MAOB: variants seen among roughly 807,000 people sequenced by gnomAD.
The protein encoded by MAOB is amine oxidase [flavin-containing] B.
In MAOB, 15 loss-of-function variants were observed where a neutral mutation model predicts 41.9. The observed-to-expected ratio is 0.36, with a 90% CI of 0.24 to 0.55. The LOEUF (loss-of-function observed/expected upper bound fraction) is 0.55. Among genes scored for constraint, MAOB ranks in the 20% least tolerant of loss-of-function variants. The probability of loss-of-function intolerance (pLI) is 0.86; values close to 1 mark genes in which losing one functional copy is unlikely to be tolerated. For missense variants in MAOB, 345 were observed against 398.7 expected (o/e 0.87, Z 1.15); for synonymous variants, 167 against 144.2 (o/e 1.16, Z -1.13).
chrX:43,786,411 C>T (rs1223915998), intron 8 of MAOB, among the ~76,000 whole-genome samples: 2 of 111,587 alleles, frequency 1.8e-5, no homozygotes, highest in African/African-American at 3.3e-5. Context: ...TTAAAGGGAA[C>T]TTGTCTCTTT....
intron 3 of MAOB, among the ~76,000 whole-genome samples, chrX:43,815,522 A>G (rs915749414): frequency 4.5e-5 from 5 of 112,164 alleles, no homozygotes; most frequent in Non-Finnish European, 9.4e-5. Flanking sequence ...AAGAAAGCTG[A>G]AAACTGGAAG....
intron 4 of MAOB, among the ~76,000 whole-genome samples, chrX:43,802,827 C>CA (rs2034613403): frequency 9.1e-6 from 1 of 110,010 alleles, no homozygotes; most frequent in Non-Finnish European, 1.9e-5. Flanking sequence ...ATACCTAATG[C>CA]ATGTGGGGCT....
At chrX:43,875,468 T>C (rs764403357) in intron 1 of MAOB, among the ~76,000 whole-genome samples, 1 of 112,126 alleles carries the variant, frequency 8.9e-6, no homozygotes, top group South Asian at 3.7e-4. Context: ...TTTTATACCA[T>C]TATGGCCTCC....
intron 1 of MAOB, among the ~76,000 whole-genome samples, chrX:43,865,330 A>G (rs1288299937): frequency 1.8e-5 from 2 of 112,425 alleles, no homozygotes; most frequent in Non-Finnish European, 3.8e-5. Context: ...TTCTATTTGT[A>G]TAAAATGTTC....
At chrX:43,813,858 A>T (rs187219170) in intron 3 of MAOB, among the ~76,000 whole-genome samples, 231 of 111,955 alleles carry the variant, frequency 2.1e-3, no homozygotes, top group South Asian at 6.8e-3. Flanking sequence ...GACAAAACAG[A>T]CACTACACAA....
Position 43,797,127 on chromosome X carries a change from G to A in MAOB, c.616C>T (p.Gln206Ter), listed in dbSNP as rs2034538269. 2.5e-6 allele frequency: 3 copies of A among 1,205,585 alleles called. No individual in the cohort carries two copies. Among genetic ancestry groups the A allele is most frequent in the Non-Finnish European group, 3.4e-6 (3 of 892,241 alleles). ...TRIISTTNGG[Q>*]ERKFVGGSGQ... The stretch of plus-strand genomic sequence containing the variant: ...ACTGTGGAAGAATGGATGGGTACCT[G>A]TCCTCCATTTGTTGTCGAGATGATT... The change falls in exon 6 of 15, where the codon CAG (glutamine) becomes TAG (stop). Residue 206 changes from glutamine to a stop codon, truncating the protein, a stop_gained and splice_region_variant. Transcript: ENST00000378069. LOFTEE classifies it high-confidence loss of function.
chrX:43,772,036 G>T (rs1345854654), intron 12 of MAOB, among the ~76,000 whole-genome samples: 1 of 111,760 alleles, frequency 8.9e-6, no homozygotes, highest in Non-Finnish European at 1.9e-5. Context: ...CATTTCTTAA[G>T]AAATGTATAT....
intron 3 of MAOB, among the ~76,000 whole-genome samples, chrX:43,815,410 T>C (rs2034798050): frequency 8.9e-6 from 1 of 112,024 alleles, no homozygotes; most frequent in African/African-American, 3.2e-5. Flanking sequence ...CCTTGAATAA[T>C]GTGCTTTTCA....
chrX:43,798,139 G>C (rs1195671387), intron 5 of MAOB, among the ~76,000 whole-genome samples: 1 of 111,553 alleles, frequency 9.0e-6, no homozygotes, highest in Non-Finnish European at 1.9e-5. Context: ...TCTTTTCACT[G>C]TCTGAAATTG....
At chrX:43,811,874 T>C (rs1601996640) in intron 3 of MAOB, among the ~76,000 whole-genome samples, 1 of 111,763 alleles carries the variant, frequency 8.9e-6, no homozygotes, top group Admixed American at 9.5e-5. Flanking sequence ...TTTTTAAATG[T>C]ACAATTAAAT....
chrX:43,824,583 T>C (rs1333557952), intron 3 of MAOB, among the ~76,000 whole-genome samples: 5 of 111,664 alleles, frequency 4.5e-5, no homozygotes, highest in Non-Finnish European at 3.8e-5. Context: ...CTCAGGAGGC[T>C]GAGGCAGGAG....
chrX:43,830,964 G>T (rs887023777), intron 3 of MAOB, among the ~76,000 whole-genome samples: 6 of 107,906 alleles, frequency 5.6e-5, no homozygotes, highest in African/African-American at 2.0e-4. Context: ...TAAATAACGT[G>T]GCCAAGGACA....
intron 14 of MAOB, 112 bp downstream of exon 14, chrX:43,768,541 AC>A: frequency 3.5e-6 from 2 of 573,312 alleles, no homozygotes; most frequent in Non-Finnish European, 5.8e-6. Flanking sequence ...TGTTTAAATC[AC>A]TTAGTTGAAT....
At position 43,850,299 on chromosome X, in the gene MAOB, CT is replaced by C. The variant is rs1164290931; in HGVS notation, c.47-6536del. 1.7e-5 allele frequency: 12 copies of C among 719,630 alleles called. No individual in the cohort carries two copies. In the African/African-American group the frequency reaches 2.1e-4, roughly 13 times the overall value. The allele number at this position is 719,630 out of a possible 1,213,427, so 59.3% of individuals were successfully genotyped here. A position where few individuals can be genotyped will look rare whatever the true frequency, so the allele number is the denominator to read the frequency against. On this transcript the variant is annotated intron_variant, in intron 1 of 14. Coordinates refer to ENST00000378069, the MANE Select transcript of MAOB (RefSeq NM_000898.5). ...TTTAAAATCAGAATTTTTAAATTAA[CT>C]TTCTTGGAAAGAATATGTTGATAAA...
intron 3 of MAOB, among the ~76,000 whole-genome samples, chrX:43,828,079 C>G (rs755121430): frequency 1.4e-4 from 16 of 111,775 alleles, no homozygotes; most frequent in Admixed American, 8.5e-4. Context: ...TAGATGGACT[C>G]TCATCCTTTC....
intron 11 of MAOB, among the ~76,000 whole-genome samples, chrX:43,778,158 C>T (rs1207108886): frequency 6.3e-5 from 7 of 111,371 alleles, no homozygotes; most frequent in Non-Finnish European, 1.3e-4. Context: ...AAGGGTAAAA[C>T]AAGGCAGAAA....
chrX:43,805,512 T>C lies in MAOB; in HGVS notation c.280-2108A>G, dbSNP rs552664639. On this transcript the variant is annotated intron_variant, in intron 3 of 14. Coordinates refer to ENST00000378069, the MANE Select transcript of MAOB (RefSeq NM_000898.5). ...TCAGTTTTCTGTCACTTATAGATTG[T>C]TTTTGCCTGTTTTCACATTTTTTAA... is the stretch of plus-strand genomic sequence containing the variant. 1.0e-3 allele frequency among the ~76,000 whole-genome samples: 116 copies of C among 111,650 alleles called. 4 individuals are homozygous for C. The South Asian group carries it at 0.042, about 40-fold the overall frequency.
At position 43,862,537 on chromosome X, in the gene MAOB, C is replaced by T. The variant is rs182758812; in HGVS notation, c.47-18773G>A. Among the ~76,000 whole-genome samples, 300 of 112,563 alleles carry T rather than the reference C, an allele frequency of 2.7e-3. 2 individuals carry two copies. The highest frequency in any genetic ancestry group is 9.2e-3 in the Middle Eastern group (2 of 218). On this transcript the variant is annotated intron_variant, in intron 1 of 14. Coordinates refer to ENST00000378069, the MANE Select transcript of MAOB (RefSeq NM_000898.5). The stretch of plus-strand genomic sequence containing the variant: ...CAGTAGAATTACATCACAAATTTTA[C>T]ATACACTAATACCACACAGAAAATA...
chrX:43,857,110 TATATATAGAGAGAGAGAGAGAGAGAGAG>T lies in MAOB; in HGVS notation c.47-13374_47-13347del, dbSNP rs1258028807. ...ATATATATATATATATATATATATA[TATATATAGAGAGAGAGAGAGAGAGAGAG>T]AGAGAGAGAGAGAGAGAGAGAGAGA... On this transcript the variant is annotated intron_variant, in intron 1 of 14. Coordinates refer to ENST00000378069, the MANE Select transcript of MAOB (RefSeq NM_000898.5). Among the ~76,000 whole-genome samples, 160 of 19,813 alleles carry T rather than the reference TATATATAGAGAGAGAGAGAGAGAGAGAG, an allele frequency of 8.1e-3. 4 individuals carry two copies. The highest frequency in any genetic ancestry group is 0.011 in the Non-Finnish European group (137 of 12,157). 17.2% of individuals were successfully genotyped at this position (19,813 alleles called of 115,157 possible). A position where few individuals can be genotyped will look rare whatever the true frequency, so the allele number is the denominator to read the frequency against.
Sources: allele counts gnomAD v4.1 joint callset (sites outside exome capture counted in the v4.1 genomes callset), GRCh38; gene constraint gnomAD v4.1.1; transcripts MANE v1.5; gene names NCBI Gene and HGNC (gene_info 2026-07-23, HGNC 2026-07-21).